TRPC4: variants seen among roughly 807,000 people sequenced by gnomAD.
TRPC4 encodes transient receptor potential cation channel subfamily C member 4.
A neutral mutation model predicts 99.4 loss-of-function variants in TRPC4; 49 were observed. The ratio of observed to expected loss-of-function variants is 0.49; its 90% confidence interval spans 0.39 to 0.63. The LOEUF is 0.63. Among genes scored for constraint, TRPC4 ranks in the 20% least tolerant of loss-of-function variants. TRPC4 has a pLI of 0.00. For missense variants in TRPC4, 898 were observed against 1,152.9 expected, an observed-to-expected ratio of 0.78 and a Z score of 3.20; for synonymous variants, 454 against 425.9, an observed-to-expected ratio of 1.07 and a Z score of -0.81.
At chr13:37,701,451 T>A (rs1954098400) in intron 3 of TRPC4, among the ~76,000 whole-genome samples, 1 of 152,126 alleles carries the variant, frequency 6.6e-6, no homozygotes, top group Non-Finnish European at 1.5e-5. Flanking sequence ...ATTCTTTTTT[T>A]AAACAGCCTA....
intron 1 of TRPC4, among the ~76,000 whole-genome samples, chr13:37,828,826 C>T (rs1443557402): frequency 6.6e-6 from 1 of 152,118 alleles, no homozygotes; most frequent in Non-Finnish European, 1.5e-5. Context: ...ACACTGGGGC[C>T]TACTTGATGG....
At chr13:37,753,127 G>A (rs932983034) in intron 2 of TRPC4, among the ~76,000 whole-genome samples, 2 of 151,968 alleles carry the variant, frequency 1.3e-5, no homozygotes, top group Non-Finnish European at 2.9e-5. Context: ...AAGGATTTGA[G>A]GAGGTGTTTA....
At chr13:37,649,092 T>C (rs573530123) in intron 8 of TRPC4, among the ~76,000 whole-genome samples, 6 of 152,070 alleles carry the variant, frequency 3.9e-5, no homozygotes, top group Non-Finnish European at 7.4e-5. Flanking sequence ...ATCATCACTA[T>C]CTTATCAGAG....
intron 1 of TRPC4, among the ~76,000 whole-genome samples, chr13:37,787,447 C>T (rs73170425): frequency 0.022 from 3,406 of 152,132 alleles, 61 homozygotes; most frequent in South Asian, 0.03. Context: ...TCTCAATAAT[C>T]TTTCACATAA....
chr13:37,792,014 T>C (rs545741376), intron 1 of TRPC4, among the ~76,000 whole-genome samples: 1 of 152,110 alleles, frequency 6.6e-6, no homozygotes, highest in African/African-American at 2.4e-5. Context: ...CTAGGCATAA[T>C]AGGAAGTTAC....
intron 1 of TRPC4, among the ~76,000 whole-genome samples, chr13:37,819,069 T>C (rs1957941952): frequency 6.6e-6 from 1 of 151,828 alleles, no homozygotes; most frequent in South Asian, 2.1e-4. Context: ...CCAGGAGGCA[T>C]ATGAAAAAAA....
chr13:37,844,032 C>T (rs908441521), intron 1 of TRPC4, among the ~76,000 whole-genome samples: 5 of 152,168 alleles, frequency 3.3e-5, no homozygotes, highest in Non-Finnish European at 2.9e-5. Flanking sequence ...AAGTTGGAAG[C>T]AAACATTAAG....
At chr13:37,707,387 AT>A (rs1156780713) in intron 3 of TRPC4, among the ~76,000 whole-genome samples, 1 of 152,132 alleles carries the variant, frequency 6.6e-6, no homozygotes, top group Non-Finnish European at 1.5e-5. Flanking sequence ...CTCAAACTCC[AT>A]TTCACTAAGT....
At chr13:37,739,209 G>T (rs545645195) in intron 3 of TRPC4, among the ~76,000 whole-genome samples, 2 of 152,186 alleles carry the variant, frequency 1.3e-5, no homozygotes, top group East Asian at 3.9e-4. Context: ...CAGAGAAAGT[G>T]GTATTTGAGG....
chr13:37,660,599 T>C (rs9594227), intron 6 of TRPC4, among the ~76,000 whole-genome samples: 56,663 of 151,958 alleles, frequency 0.37, 11,025 homozygotes, highest in African/African-American at 0.44. Context: ...ATAATAGAGA[T>C]GAAACCTTAT....
At position 37,663,632 on chromosome 13, in the gene TRPC4, C is replaced by T. The variant is rs1691949408; in HGVS notation, c.1472G>A (p.Arg491His). The T allele has an allele frequency of 3.7e-6, 6 of 1,613,976 alleles. No individual in the cohort carries two copies. Among genetic ancestry groups the T allele is most frequent in the Admixed American group, 1.7e-5 (1 of 59,994 alleles). The change falls in exon 6 of 11, where the codon CGT (arginine) becomes CAT (histidine). Residue 491 changes from arginine to histidine, a missense_variant. Arg to His is a conservative substitution (Grantham distance 29). Transcript: ENST00000379705. ...ATTTGCAGTAAACAGTGAGATCAGA[C>T]GCAGAGAACTGAAGATGTTTGCAAT... The part of the protein sequence containing the change: ...FAIANIFSSL[R>H]LISLFTANSH...
intron 1 of TRPC4, among the ~76,000 whole-genome samples, chr13:37,847,811 T>C (rs374731882): frequency 1.3e-5 from 2 of 152,050 alleles, no homozygotes; most frequent in African/African-American, 4.8e-5. Context: ...TCCACAAATA[T>C]ATACAGTGGA....
intron 3 of TRPC4, among the ~76,000 whole-genome samples, chr13:37,738,596 T>C (rs1955477491): frequency 6.6e-6 from 1 of 152,152 alleles, no homozygotes; most frequent in Non-Finnish European, 1.5e-5. Context: ...GTGGGATATA[T>C]GCAGCAATGT....
intron 5 of TRPC4, among the ~76,000 whole-genome samples, chr13:37,666,953 C>T (rs1448668135): frequency 6.6e-6 from 1 of 152,190 alleles, no homozygotes; most frequent in Non-Finnish European, 1.5e-5. Context: ...CAGCCCTATT[C>T]TGCATTGTAC....
intron 8 of TRPC4, among the ~76,000 whole-genome samples, chr13:37,647,845 C>A (rs1593427485): frequency 6.6e-6 from 1 of 152,204 alleles, no homozygotes; most frequent in African/African-American, 2.4e-5. Flanking sequence ...GAAATAAATT[C>A]ACAGAAAAAT....
chr13:37,869,567 C>A (rs947252820), intron 1 of TRPC4, 28 bp downstream of exon 1: 1 of 152,166 alleles, frequency 6.6e-6, no homozygotes, highest in African/African-American at 2.4e-5. Context: ...TCCGGTCGAA[C>A]GGAGCCCCGA....
Position 37,852,316 on chromosome 13 carries a change from G to A in TRPC4, c.-28+17279C>T, listed in dbSNP as rs1413558916. 2.6e-5 allele frequency among the ~76,000 whole-genome samples: 4 copies of A among 152,286 alleles called. No homozygotes were observed. The East Asian group carries it at 7.7e-4, about 29-fold the overall frequency. ...CAGCCACAGTAGGAGAGGGTACTGG[G>A]CAGAGGCATTCAAGGCCCTAGCTCC... On this transcript the variant is annotated intron_variant, in intron 1 of 10. Transcript: ENST00000379705.
intron 4 of TRPC4, among the ~76,000 whole-genome samples, chr13:37,677,519 A>C (rs765947211): frequency 6.6e-6 from 1 of 152,150 alleles, no homozygotes; most frequent in Non-Finnish European, 1.5e-5. Flanking sequence ...CATTAATATA[A>C]AAGTAGATGT....
At chr13:37,812,116 T>C (rs1957705712) in intron 1 of TRPC4, among the ~76,000 whole-genome samples, 1 of 134,808 alleles carries the variant, frequency 7.4e-6, no homozygotes, top group Non-Finnish European at 1.5e-5. Context: ...GAGGCAGAGG[T>C]TGCAGTGAGC....
Sources: allele counts gnomAD v4.1 joint callset (sites outside exome capture counted in the v4.1 genomes callset), GRCh38; gene constraint gnomAD v4.1.1; transcripts MANE v1.5; gene names NCBI Gene and HGNC (gene_info 2026-07-23, HGNC 2026-07-21).